Variants in MYBL2 observed in about 807,000 individuals in gnomAD.
MYBL2 encodes myb-related protein B.
A neutral mutation model predicts 79.9 loss-of-function variants in MYBL2; 28 were observed. That is an observed-to-expected ratio of 0.35 (90% CI 0.26 to 0.48). MYBL2 has a LOEUF of 0.48. MYBL2 is among the 20% of genes least tolerant of loss of function. The probability of loss-of-function intolerance (pLI) is 0.99; values close to 1 mark genes in which losing one functional copy is unlikely to be tolerated. For synonymous variants in MYBL2, 378 were observed against 361.2 expected (o/e 1.05, Z -0.53); for missense variants, 735 against 893.9 (o/e 0.82, Z 2.27).
intron 2 of MYBL2, among the ~76,000 whole-genome samples, chr20:43,675,911 G>GT (rs3092199): frequency 1.3e-3 from 190 of 144,786 alleles, no homozygotes; most frequent in African/African-American, 3.9e-3. Flanking sequence ...CCAATAGGTA[G>GT]TTTTTTTTTT....
chr20:43,705,727 G>A (rs956389483), intron 9 of MYBL2, among the ~76,000 whole-genome samples: 4 of 149,554 alleles, frequency 2.7e-5, no homozygotes, highest in African/African-American at 7.4e-5. Context: ...TTGAGATGGA[G>A]TCTTGCTCTG....
At chr20:43,702,011 C>T (rs1987683674) in intron 7 of MYBL2, among the ~76,000 whole-genome samples, 1 of 152,202 alleles carries the variant, frequency 6.6e-6, no homozygotes, top group South Asian at 2.1e-4. Context: ...CCTGTAGTCC[C>T]AGCTACTCAG....
At chr20:43,712,502 C>T (rs1455007939) in intron 11 of MYBL2, among the ~76,000 whole-genome samples, 3 of 152,236 alleles carry the variant, frequency 2.0e-5, no homozygotes, top group East Asian at 1.9e-4. Context: ...CTCTCAGAGC[C>T]GCTCCCTGGT....
intron 12 of MYBL2, 59 bp from the exon 13 acceptor site, chr20:43,715,075 T>C: frequency 2.5e-6 from 4 of 1,599,552 alleles, no homozygotes; most frequent in Non-Finnish European, 3.4e-6. Context: ...GCGGGTTTTT[T>C]TCTTCCCTCT....
intron 2 of MYBL2, among the ~76,000 whole-genome samples, chr20:43,678,176 A>C (rs1250845323): frequency 6.6e-6 from 1 of 152,178 alleles, no homozygotes; most frequent in Non-Finnish European, 1.5e-5. Context: ...GGAAGGCCGC[A>C]GGGTCCTCTG....
At chr20:43,690,440 A>G (rs892946501) in intron 5 of MYBL2, among the ~76,000 whole-genome samples, 1 of 152,024 alleles carries the variant, frequency 6.6e-6, no homozygotes, top group Non-Finnish European at 1.5e-5. Flanking sequence ...TCCTGACCTT[A>G]GGTGATCTGC....
chr20:43,712,500 GCCGCT>G (rs1207029713), intron 11 of MYBL2, among the ~76,000 whole-genome samples: 1 of 152,170 alleles, frequency 6.6e-6, no homozygotes, highest in African/African-American at 2.4e-5. Context: ...GACTCTCAGA[GCCGCT>G]CCCTGGTATC....
At chr20:43,706,944 G>A (rs1489721887) in intron 9 of MYBL2, among the ~76,000 whole-genome samples, 10 of 151,286 alleles carry the variant, frequency 6.6e-5, no homozygotes, top group Non-Finnish European at 1.5e-4. Flanking sequence ...TCAAACTCCT[G>A]ACCTTGTGAT....
At chr20:43,675,347 T>G (rs1986979137) in intron 2 of MYBL2, among the ~76,000 whole-genome samples, 1 of 151,466 alleles carries the variant, frequency 6.6e-6, no homozygotes. Flanking sequence ...AGATGGAGTC[T>G]CTGTCTCCCA....
intron 12 of MYBL2, among the ~76,000 whole-genome samples, chr20:43,713,974 A>G (rs1204578652): frequency 6.6e-6 from 1 of 152,168 alleles, no homozygotes; most frequent in Non-Finnish European, 1.5e-5. Context: ...TGATCTTCCA[A>G]GTAGACTGCT....
At chr20:43,670,636 G>A (rs969861112) in intron 1 of MYBL2, among the ~76,000 whole-genome samples, 7 of 152,186 alleles carry the variant, frequency 4.6e-5, no homozygotes, top group Admixed American at 2.0e-4. Flanking sequence ...GGAGGAGACA[G>A]GCAGTTGCAG....
At chr20:43,708,038 A>G (rs963197724) in intron 9 of MYBL2, among the ~76,000 whole-genome samples, 1 of 152,162 alleles carries the variant, frequency 6.6e-6, no homozygotes, top group Non-Finnish European at 1.5e-5. Flanking sequence ...TCTCTGATTT[A>G]CAGAGCTGCA....
chr20:43,685,737 A>G (rs1454302688), intron 4 of MYBL2, among the ~76,000 whole-genome samples: 2 of 152,054 alleles, frequency 1.3e-5, no homozygotes, highest in Non-Finnish European at 2.9e-5. Flanking sequence ...CCTGGGCGAC[A>G]GAGTGAGACA....
intron 9 of MYBL2, among the ~76,000 whole-genome samples, chr20:43,706,719 G>GTTGTTTTTTTTTTT (rs1987791382): frequency 4.2e-5 from 3 of 70,780 alleles, no homozygotes; most frequent in African/African-American, 1.8e-4. Context: ...AAAAAAAAAA[G>GTTGTTTTTTTTTTT]TTTTTTTTTT....
At chr20:43,667,396 C>A in intron 1 of MYBL2, 93 bp downstream of exon 1, 17 of 934,012 alleles carry the variant, frequency 1.8e-5, no homozygotes, top group Non-Finnish European at 2.4e-5. Context: ...AGGCTCCCAC[C>A]AAGCTGGGGT....
At chr20:43,681,734 G>A (rs1987147291) in intron 2 of MYBL2, 50 bp from the exon 3 acceptor site, 2 of 1,595,738 alleles carry the variant, frequency 1.3e-6, no homozygotes, top group Non-Finnish European at 1.7e-6. Flanking sequence ...GCAGCCCTGA[G>A]GTTTTCTGCA....
At chr20:43,701,685 G>A (rs1008581579) in intron 7 of MYBL2, among the ~76,000 whole-genome samples, 2 of 152,206 alleles carry the variant, frequency 1.3e-5, no homozygotes, top group African/African-American at 4.8e-5. Flanking sequence ...AGGCATCAAT[G>A]ATGAGTGACA....
chr20:43,674,942 G>A (rs1283948809), intron 2 of MYBL2, among the ~76,000 whole-genome samples: 1 of 152,140 alleles, frequency 6.6e-6, no homozygotes, highest in African/African-American at 2.4e-5. Flanking sequence ...AAATGTGATT[G>A]AAATATAATT....
intron 6 of MYBL2, among the ~76,000 whole-genome samples, chr20:43,697,738 C>A (rs1987577318): frequency 6.6e-6 from 1 of 151,768 alleles, no homozygotes; most frequent in South Asian, 2.1e-4. Context: ...CCCATCTCTA[C>A]TAAAAATACA....
Sources: allele counts gnomAD v4.1 joint callset (sites outside exome capture counted in the v4.1 genomes callset), GRCh38; gene constraint gnomAD v4.1.1; transcripts MANE v1.5; gene names NCBI Gene and HGNC (gene_info 2026-07-23, HGNC 2026-07-21).